Variants in DAPK2 observed in about 807,000 individuals in gnomAD.
DAPK2 encodes the protein death associated protein kinase 2.
DAPK2 carries 35 observed loss-of-function variants against 44.1 expected under a neutral mutation model. The observed-to-expected ratio is 0.79, with a 90% CI of 0.61 to 1.05. The LOEUF (loss-of-function observed/expected upper bound fraction) is 1.05. Ranked by LOEUF, DAPK2 falls within the 50% of genes least tolerant of loss-of-function variation. The pLI, the probability that DAPK2 is intolerant of heterozygous loss-of-function variation, is 0.00. For synonymous variants in DAPK2, 174 were observed against 182.6 expected (o/e 0.95, Z 0.38); for missense variants, 453 against 483.2 (o/e 0.94, Z 0.59).
intron 1 of DAPK2, among the ~76,000 whole-genome samples, chr15:64,038,369 T>C (rs970017446): frequency 6.6e-6 from 1 of 152,184 alleles, no homozygotes; most frequent in Non-Finnish European, 1.5e-5. Context: ...TGTGGTTTGT[T>C]GCCGAGAATG....
intron 1 of DAPK2, among the ~76,000 whole-genome samples, chr15:64,031,807 C>G (rs898554300): frequency 3.9e-5 from 6 of 152,146 alleles, no homozygotes; most frequent in African/African-American, 1.4e-4. Flanking sequence ...GTTTTTTCAT[C>G]TATAAAATGG....
At position 63,926,223 on chromosome 15, in the gene DAPK2, C is replaced by T. The variant is rs539613111; in HGVS notation, c.660-130G>A. 4 of 975,170 alleles carry T rather than the reference C, an allele frequency of 4.1e-6. No individual in the cohort carries two copies. The African/African-American group carries it at 5.0e-5, about 12-fold the overall frequency. 60.4% of individuals were successfully genotyped at this position (975,170 alleles called of 1,614,324 possible). A position where few individuals can be genotyped will look rare whatever the true frequency, so the allele number is the denominator to read the frequency against. ...GGCTCCCAGCAACACAGCCTGCCCCCTCTGGGCAGCCAACCAGCAGCCTGT... is the reference window on the plus strand; with the variant it reads ...GGCTCCCAGCAACACAGCCTGCCCCTTCTGGGCAGCCAACCAGCAGCCTGT... On this transcript the variant is annotated intron_variant, in intron 6 of 10. Transcript: ENST00000261891.
chr15:63,933,790 G>A (rs1435710479), intron 4 of DAPK2, among the ~76,000 whole-genome samples: 1 of 151,106 alleles, frequency 6.6e-6, no homozygotes, highest in East Asian at 2.0e-4. Flanking sequence ...GTAGAGATGA[G>A]GTCTCACTGC....
At chr15:63,984,916 T>C (rs1386916474) in intron 1 of DAPK2, among the ~76,000 whole-genome samples, 1 of 152,202 alleles carries the variant, frequency 6.6e-6, no homozygotes, top group East Asian at 1.9e-4. Flanking sequence ...GTCTTCAAAA[T>C]ACCCGGAGTG....
At position 63,917,919 on chromosome 15, in the gene DAPK2, T is replaced by C. The variant is rs1035213849; in HGVS notation, c.859-5722A>G. 2.0e-5 allele frequency: 3 copies of C among 152,218 alleles called. No homozygotes were observed. Among genetic ancestry groups the C allele is most frequent in the Admixed American group, 6.5e-5 (1 of 15,282 alleles). The allele number at this position is 152,218 out of a possible 1,614,324, so 9.4% of individuals were successfully genotyped here. On this transcript the variant is annotated intron_variant, in intron 8 of 10. Coordinates refer to ENST00000261891, the Ensembl canonical transcript of DAPK2. This position sits in a 1 kb window ranked among gnomAD's most constrained non-coding sequence, Gnocchi z 4.4. The stretch of plus-strand genomic sequence containing the variant: ...ACTCACCATAGCTTTTCCAATCTAG[T>C]TGGCTGGGTCCCCATCTGCCCCAGA...
In DAPK2 at chr15:63,926,108, C is replaced by G. The variant is rs189108581; in HGVS notation, c.660-15G>C. 3.0e-4 allele frequency: 474 copies of G among 1,586,354 alleles called. 3 individuals are homozygous for G. In the African/African-American group the frequency reaches 6.0e-3, roughly 20 times the overall value. Reference sequence around the variant, plus strand: ...CTCCACTTAAGCTGAGTACGACAGACAGGGAATCAAATAACTAAGGGAAAG... The same window carrying G: ...CTCCACTTAAGCTGAGTACGACAGAGAGGGAATCAAATAACTAAGGGAAAG... On this transcript the variant is annotated splice_polypyrimidine_tract_variant and intron_variant, in intron 6 of 10. Transcript: ENST00000261891.
At chr15:63,971,662 G>T in intron 2 of DAPK2, 101 bp from the exon 4 acceptor site, 1 of 1,306,046 alleles carries the variant, frequency 7.7e-7, no homozygotes, top group Non-Finnish European at 1.0e-6. Flanking sequence ...GACCCCCCAG[G>T]GACCTTGTAT....
At chr15:63,986,478 G>A (rs911786439) in intron 1 of DAPK2, among the ~76,000 whole-genome samples, 2 of 152,064 alleles carry the variant, frequency 1.3e-5, no homozygotes, top group Non-Finnish European at 2.9e-5. Flanking sequence ...CGGCTGGAGG[G>A]CAGTGGTGTG....
chr15:63,994,156 C>T (rs936529653), intron 1 of DAPK2, among the ~76,000 whole-genome samples: 1 of 152,144 alleles, frequency 6.6e-6, no homozygotes, highest in Admixed American at 6.5e-5. Context: ...ATAAGCCAGC[C>T]TGTAAGAGCC....
intron 3 of DAPK2, among the ~76,000 whole-genome samples, chr15:63,969,092 A>T (rs1163008307): frequency 2.6e-5 from 4 of 152,144 alleles, no homozygotes; most frequent in African/African-American, 4.8e-5. Context: ...CGCCTCAGTA[A>T]AACTCTGGAA....
At chr15:64,015,153 C>T (rs1175068414) in intron 1 of DAPK2, among the ~76,000 whole-genome samples, 1 of 152,148 alleles carries the variant, frequency 6.6e-6, no homozygotes, top group Non-Finnish European at 1.5e-5. Context: ...GGAGTCTGTG[C>T]CAGCTGCAGT....
At chr15:63,960,625 G>C (rs553500670) in intron 3 of DAPK2, among the ~76,000 whole-genome samples, 1 of 152,306 alleles carries the variant, frequency 6.6e-6, no homozygotes, top group African/African-American at 2.4e-5. Context: ...AGTCATTCAG[G>C]AGCAAGTTGT....
chr15:64,029,611 T>C (rs2079953629), intron 1 of DAPK2, among the ~76,000 whole-genome samples: 1 of 152,226 alleles, frequency 6.6e-6, no homozygotes, highest in African/African-American at 2.4e-5. Flanking sequence ...AGTACTCCTG[T>C]GCCCCATCTG....
intron 1 of DAPK2, among the ~76,000 whole-genome samples, chr15:64,025,249 T>C (rs1471524819): frequency 6.6e-6 from 1 of 152,106 alleles, no homozygotes; most frequent in East Asian, 1.9e-4. Flanking sequence ...TCCTCATCTG[T>C]AAAAAGGGAA....
chr15:63,976,904 T>G (rs1214155005), intron 2 of DAPK2, among the ~76,000 whole-genome samples: 3 of 152,256 alleles, frequency 2.0e-5, no homozygotes, highest in Non-Finnish European at 4.4e-5. Context: ...TGTATGTGGT[T>G]CACATTACAT....
intron 10 of DAPK2, among the ~76,000 whole-genome samples, chr15:63,910,300 G>C (rs1488818506): frequency 6.6e-6 from 1 of 152,172 alleles, no homozygotes; most frequent in African/African-American, 2.4e-5. Context: ...CTGTGTGGAG[G>C]GAGTGGGGAC....
intron 3 of DAPK2, among the ~76,000 whole-genome samples, chr15:63,968,676 T>C (rs1011280532): frequency 1.3e-5 from 2 of 152,246 alleles, no homozygotes; most frequent in Admixed American, 1.3e-4. Context: ...CTTACAGCTC[T>C]GCCAGGTAGG....
At chr15:63,969,173 C>G (rs1470228662) in intron 3 of DAPK2, among the ~76,000 whole-genome samples, 2 of 152,064 alleles carry the variant, frequency 1.3e-5, no homozygotes, top group Non-Finnish European at 2.9e-5. Context: ...AGTCCCAACA[C>G]TTTGGGAGGC....
intron 7 of DAPK2, among the ~76,000 whole-genome samples, chr15:63,925,678 GCACACACACACACACACA>G (rs3222873): frequency 2.2e-5 from 3 of 138,446 alleles, no homozygotes; most frequent in African/African-American, 5.6e-5. Flanking sequence ...GACTTGTAGC[GCACACACACACACACACA>G]CACACACACA....
Sources: gnomAD v4.1 joint callset for allele counts (sites outside exome capture counted in the v4.1 genomes callset) on GRCh38, gnomAD v4.1.1 for gene constraint, Gnocchi (gnomAD v3.1) non-coding constraint, MANE v1.5 for transcripts, NCBI Gene and HGNC (gene_info 2026-07-23, HGNC 2026-07-21) for gene names.